ERBB4: variants seen among roughly 807,000 people sequenced by gnomAD.
ERBB4 encodes erb-b2 receptor tyrosine kinase 4, also known as receptor tyrosine-protein kinase erbB-4.
ERBB4 carries 42 observed loss-of-function variants against 158.0 expected under a neutral mutation model. That is an observed-to-expected ratio of 0.27 (90% CI 0.21 to 0.34). The LOEUF (loss-of-function observed/expected upper bound fraction) is 0.34, where lower values mean the gene tolerates loss of function less well. ERBB4 is among the 10% of genes least tolerant of loss of function. The pLI is 1.00. For synonymous variants in ERBB4, 583 were observed against 558.7 expected, an observed-to-expected ratio of 1.04 and a Z score of -0.61; for missense variants, 1,333 against 1,624.1, an observed-to-expected ratio of 0.82 and a Z score of 3.08.
intron 1 of ERBB4, among the ~76,000 whole-genome samples, chr2:212,258,449 C>A (rs1475771209): frequency 6.6e-6 from 1 of 151,542 alleles, no homozygotes; most frequent in African/African-American, 2.4e-5. Context: ...AAATGATAAA[C>A]AGTTTACTTT....
At chr2:212,098,154 C>T (rs770234421) in intron 2 of ERBB4, among the ~76,000 whole-genome samples, 1 of 152,078 alleles carries the variant, frequency 6.6e-6, no homozygotes, top group African/African-American at 2.4e-5. Context: ...ATCTCGGAAC[C>T]GATGAAGCTT....
chr2:211,740,619 T>C (rs972839523), intron 5 of ERBB4, among the ~76,000 whole-genome samples: 3 of 139,724 alleles, frequency 2.1e-5, no homozygotes, highest in Non-Finnish European at 4.6e-5. Context: ...TTCTTTTCTT[T>C]GTCTTTTTTT....
chr2:211,632,975 C>G (rs757327782), intron 16 of ERBB4, among the ~76,000 whole-genome samples: 3 of 152,004 alleles, frequency 2.0e-5, no homozygotes, highest in Admixed American at 2.0e-4. Flanking sequence ...TTATAAGAGG[C>G]CAAATTCTGC....
At chr2:211,524,170 CA>C (rs1206104842) in intron 20 of ERBB4, among the ~76,000 whole-genome samples, 18 of 152,052 alleles carry the variant, frequency 1.2e-4, no homozygotes, top group Non-Finnish European at 8.8e-5. Flanking sequence ...AAGGCCCCAC[CA>C]CAGTAGCTAG....
intron 20 of ERBB4, among the ~76,000 whole-genome samples, chr2:211,556,628 G>T (rs745895890): frequency 6.6e-6 from 1 of 151,758 alleles, no homozygotes. Context: ...CCACATAATT[G>T]CACATAAATA....
rs372037416 is a variant in ERBB4, at chr2:212,183,103, G to A, written c.83-58200C>T. Among the ~76,000 whole-genome samples, 38 of 151,820 alleles carry A rather than the reference G, an allele frequency of 2.5e-4. No homozygotes were observed. In the South Asian group the frequency reaches 7.5e-3, roughly 30 times the overall value. On this transcript the variant is annotated intron_variant, in intron 1 of 27. Transcript: ENST00000342788. The stretch of plus-strand genomic sequence containing the variant: ...TTAGGTCTCCTTAAGTTAAAACGAT[G>A]TTTTAAGTTTGACTTACCTTATTTT...
intron 20 of ERBB4, among the ~76,000 whole-genome samples, chr2:211,515,441 T>C (rs1381298770): frequency 2.6e-5 from 4 of 152,142 alleles, no homozygotes; most frequent in African/African-American, 9.7e-5. Flanking sequence ...AGAAATCTTA[T>C]TAATTCCAGA....
At chr2:211,494,397 T>TAA (rs147883257) in intron 20 of ERBB4, among the ~76,000 whole-genome samples, 2 of 151,766 alleles carry the variant, frequency 1.3e-5, no homozygotes, top group African/African-American at 4.8e-5. Flanking sequence ...GTTCTAATGC[T>TAA]AAAAAAAATG....
chr2:211,416,730 C>T (rs1192619738), intron 25 of ERBB4, among the ~76,000 whole-genome samples: 1 of 152,100 alleles, frequency 6.6e-6, no homozygotes. Context: ...CAAACATGCA[C>T]CTCTAACCAA....
chr2:211,502,543 A>G (rs918132222), intron 20 of ERBB4, among the ~76,000 whole-genome samples: 48 of 152,288 alleles, frequency 3.2e-4, no homozygotes, highest in African/African-American at 1.1e-3. Flanking sequence ...GGCCTCCATG[A>G]ACATGAGTGT....
intron 2 of ERBB4, among the ~76,000 whole-genome samples, chr2:212,118,949 T>A (rs916335463): frequency 6.6e-6 from 1 of 152,052 alleles, no homozygotes; most frequent in African/African-American, 2.4e-5. Context: ...TTACTATCAA[T>A]AATAGAGTAT....
chr2:212,519,939 G>A (rs1190378126), intron 1 of ERBB4, among the ~76,000 whole-genome samples: 2 of 151,822 alleles, frequency 1.3e-5, no homozygotes, highest in African/African-American at 2.4e-5. Context: ...TCAAGAAAAT[G>A]ATAAATGTTT....
At chr2:212,429,895 A>G (rs1344090307) in intron 1 of ERBB4, among the ~76,000 whole-genome samples, 1 of 152,216 alleles carries the variant, frequency 6.6e-6, no homozygotes. Flanking sequence ...TTGAATTAAT[A>G]GGTTCTTTTA....
intron 20 of ERBB4, among the ~76,000 whole-genome samples, chr2:211,461,340 T>C (rs2064525596): frequency 6.6e-6 from 1 of 152,266 alleles, no homozygotes; most frequent in South Asian, 2.1e-4. Context: ...CGGAGCTGAT[T>C]TCAAGGTAGA....
At chr2:211,838,665 G>A (rs1172944735) in intron 3 of ERBB4, among the ~76,000 whole-genome samples, 1 of 152,046 alleles carries the variant, frequency 6.6e-6, no homozygotes, top group Non-Finnish European at 1.5e-5. Flanking sequence ...GCATTATATT[G>A]TATGTAAACA....
At chr2:212,225,347 C>T (rs920861893) in intron 1 of ERBB4, among the ~76,000 whole-genome samples, 4 of 152,002 alleles carry the variant, frequency 2.6e-5, no homozygotes, top group African/African-American at 9.7e-5. Flanking sequence ...AATGTTTTAT[C>T]AGCGTTGGGG....
chr2:212,488,478 C>A (rs990352536), intron 1 of ERBB4, among the ~76,000 whole-genome samples: 1 of 151,986 alleles, frequency 6.6e-6, no homozygotes, highest in Admixed American at 6.6e-5. Flanking sequence ...CAGGTCACTT[C>A]TTCACTAATG....
intron 1 of ERBB4, among the ~76,000 whole-genome samples, chr2:212,528,404 T>C (rs1692568283): frequency 6.6e-6 from 1 of 152,162 alleles, no homozygotes; most frequent in Admixed American, 6.6e-5. Context: ...CACCATTACA[T>C]ACTACTTCGT....
At chr2:212,400,393 T>C (rs2091166387) in intron 1 of ERBB4, among the ~76,000 whole-genome samples, 1 of 152,120 alleles carries the variant, frequency 6.6e-6, no homozygotes, top group Non-Finnish European at 1.5e-5. Context: ...TAACTGACCA[T>C]GACAGTGAAA....
Sources: allele counts gnomAD v4.1 joint callset (sites outside exome capture counted in the v4.1 genomes callset), GRCh38; gene constraint gnomAD v4.1.1; transcripts MANE v1.5; gene names NCBI Gene and HGNC (gene_info 2026-07-23, HGNC 2026-07-21).